Variants in CBL observed in about 807,000 individuals in gnomAD.
CBL encodes the protein E3 ubiquitin-protein ligase CBL.
A neutral mutation model predicts 96.9 loss-of-function variants in CBL; 45 were observed. That is an observed-to-expected ratio of 0.46 (90% CI 0.37 to 0.60). The LOEUF is 0.60. Among genes scored for constraint, CBL ranks in the 20% least tolerant of loss-of-function variants. The pLI is 0.00. For synonymous variants in CBL, 420 were observed against 426.8 expected (o/e 0.98, Z 0.20); for missense variants, 1,024 against 1,143.5 (o/e 0.90, Z 1.51).
intron 2 of CBL, among the ~76,000 whole-genome samples, chr11:119,232,918 A>G (rs1949515408): frequency 6.6e-6 from 1 of 152,218 alleles, no homozygotes; most frequent in Non-Finnish European, 1.5e-5. Flanking sequence ...ACTGATAGTA[A>G]TGAAAATGAG....
At chr11:119,280,579 T>C (rs955657531) in intron 9 of CBL, among the ~76,000 whole-genome samples, 1 of 152,142 alleles carries the variant, frequency 6.6e-6, no homozygotes, top group Non-Finnish European at 1.5e-5. Flanking sequence ...CTACTTATAG[T>C]TGGTGAATGC....
chr11:119,281,992 T>C (rs1949938624), intron 9 of CBL, among the ~76,000 whole-genome samples: 1 of 152,208 alleles, frequency 6.6e-6, no homozygotes, highest in African/African-American at 2.4e-5. Flanking sequence ...TTATTTTCCA[T>C]TTATAAATTT....
At chr11:119,238,462 G>T (rs971304968) in intron 2 of CBL, among the ~76,000 whole-genome samples, 1 of 150,034 alleles carries the variant, frequency 6.7e-6, no homozygotes, top group Non-Finnish European at 1.5e-5. Flanking sequence ...CGCCCGCCTC[G>T]GCCTCCCAAA....
At chr11:119,294,680 G>A (rs141769595) in intron 12 of CBL, among the ~76,000 whole-genome samples, 119 of 151,240 alleles carry the variant, frequency 7.9e-4, no homozygotes, top group African/African-American at 2.8e-3. Flanking sequence ...GGTCCCAGCT[G>A]CTCGGTAGGC....
chr11:119,266,967 C>T (rs1949807204), intron 2 of CBL, among the ~76,000 whole-genome samples: 1 of 152,186 alleles, frequency 6.6e-6, no homozygotes, highest in Admixed American at 6.5e-5. Context: ...TAACTGCTGA[C>T]AGAATTTTTT....
In CBL at chr11:119,271,651, T is replaced by G. The variant is rs912209160; in HGVS notation, c.444-84T>G. On this transcript the variant is annotated intron_variant, in intron 2 of 15. Coordinates refer to ENST00000264033, the MANE Select transcript of CBL (RefSeq NM_005188.4). ...AAATGTATTTTAATATTCATGTTAA[T>G]TATACATCTTGTATGGTGAATTTGG... 5 of 1,094,352 alleles carry G rather than the reference T, an allele frequency of 4.6e-6. No homozygotes were observed. In the African/African-American group the frequency reaches 6.3e-5, roughly 14 times the overall value. 67.8% of individuals were successfully genotyped at this position (1,094,352 alleles called of 1,614,324 possible).
In CBL at chr11:119,304,771, G is replaced by C. The variant is rs553562945; in HGVS notation, c.*4990G>C. 2 of 193,208 alleles carry C rather than the reference G, an allele frequency of 1.0e-5. No individual in the cohort carries two copies. The highest frequency in any genetic ancestry group is 4.7e-5 in the African/African-American group (2 of 42,972). 12.0% of individuals were successfully genotyped at this position (193,208 alleles called of 1,614,324 possible). ...CTCCCGAGTAGCTGGGATTACAGGC[G>C]CCTGCCACCATGCCCAGCTAATGTT... On this transcript the variant is annotated 3_prime_UTR_variant, in exon 16 of 16. Coordinates refer to ENST00000264033, the MANE Select transcript of CBL (RefSeq NM_005188.4).
intron 1 of CBL, among the ~76,000 whole-genome samples, chr11:119,219,935 C>T (rs542574378): frequency 8.6e-5 from 13 of 150,690 alleles, no homozygotes; most frequent in South Asian, 2.1e-4. Context: ...CTGCAACCTC[C>T]GCCTCCCGGG....
intron 12 of CBL, among the ~76,000 whole-genome samples, chr11:119,295,791 A>T (rs192282274): frequency 5.3e-4 from 81 of 152,264 alleles, no homozygotes; most frequent in African/African-American, 1.9e-3. Context: ...AGGTGAAAGA[A>T]TTTTACAGTG....
intron 1 of CBL, among the ~76,000 whole-genome samples, chr11:119,227,553 C>CTT (rs757085592): frequency 2.1e-5 from 3 of 142,522 alleles, no homozygotes; most frequent in Non-Finnish European, 1.5e-5. Context: ...TTATAATTTT[C>CTT]TTTTTTTTTT....
At chr11:119,279,493 A>C (rs1377068255) in intron 9 of CBL, among the ~76,000 whole-genome samples, 1 of 57,554 alleles carries the variant, frequency 1.7e-5, no homozygotes, top group Admixed American at 1.3e-4. Context: ...GCCCCCCCCT[A>C]AAAAAAAAAA....
chr11:119,225,270 T>C (rs1264167128), intron 1 of CBL, among the ~76,000 whole-genome samples: 2 of 152,012 alleles, frequency 1.3e-5, no homozygotes, highest in Admixed American at 1.3e-4. Context: ...CTAATTTTTG[T>C]ATTTTTAGTA....
intron 14 of CBL, 38 bp from the exon 15 acceptor site, chr11:119,298,320 T>C: frequency 1.3e-6 from 2 of 1,575,618 alleles, no homozygotes; most frequent in Non-Finnish European, 1.7e-6. Context: ...GAAGATGAAG[T>C]GCGTCAGAAG....
In CBL at chr11:119,301,855, A is replaced by G. The variant is rs1305186476; in HGVS notation, c.*2074A>G. 1 of 233,062 alleles carries G rather than the reference A, an allele frequency of 4.3e-6. No homozygotes were observed. The highest frequency in any genetic ancestry group is 8.5e-6 in the Non-Finnish European group (1 of 118,020). The allele number at this position is 233,062 out of a possible 1,614,324, so 14.4% of individuals were successfully genotyped here. ...ACTGTTTCATTTTGAGGTAACGTTC[A>G]GTTTTGCATTTTGTTTAAATATTGA... On this transcript the variant is annotated 3_prime_UTR_variant, in exon 16 of 16. Transcript: ENST00000264033.
intron 4 of CBL, 49 bp from the exon 5 acceptor site, chr11:119,274,783 T>G: frequency 2.5e-6 from 4 of 1,598,938 alleles, no homozygotes; most frequent in Non-Finnish European, 3.4e-6. Flanking sequence ...CCCTCTGAGT[T>G]GGTTGTACAT....
intron 2 of CBL, among the ~76,000 whole-genome samples, chr11:119,235,929 C>A (rs998033875): frequency 2.0e-5 from 3 of 151,956 alleles, no homozygotes; most frequent in African/African-American, 7.3e-5. Context: ...TCAAGGAGTT[C>A]ATTTTTTCAA....
chr11:119,209,303 C>G (rs79215346), intron 1 of CBL, among the ~76,000 whole-genome samples: 2,638 of 152,240 alleles, frequency 0.017, 65 homozygotes, highest in African/African-American at 0.058. Flanking sequence ...CACAGATGTC[C>G]CACACATTTA....
At chr11:119,216,724 A>G (rs1949363947) in intron 1 of CBL, among the ~76,000 whole-genome samples, 1 of 152,164 alleles carries the variant, frequency 6.6e-6, no homozygotes, top group Non-Finnish European at 1.5e-5. Flanking sequence ...TGAGAAAACC[A>G]AAAACAATTT....
rs1036125238 is a variant in CBL at position 119,278,674 on chromosome 11, T to C, written c.1392T>C (p.Asp464=). 1 of 1,613,986 alleles carries C rather than the reference T, an allele frequency of 6.2e-7. No homozygotes were observed. The stretch of plus-strand genomic sequence containing the variant: ...ATGATGATGATGATGAACGAGCTGA[T>C]GATACTCTCTTCATGATGAAGGAAT... ...NYDDDDDERA[D]DTLFMMKELA... The change falls in exon 9 of 16, where the codon GAT becomes GAC. Residue 464 remains aspartate (D), a synonymous_variant. Coordinates refer to ENST00000264033, the MANE Select transcript of CBL (RefSeq NM_005188.4).
Sources: allele counts gnomAD v4.1 joint callset (sites outside exome capture counted in the v4.1 genomes callset), GRCh38; gene constraint gnomAD v4.1.1; transcripts MANE v1.5; gene names NCBI Gene and HGNC (gene_info 2026-07-23, HGNC 2026-07-21).